Variants in AK4 observed in about 807,000 individuals in gnomAD.
AK4 encodes the protein adenylate kinase 4, mitochondrial.
In AK4, 13 loss-of-function variants were observed where a neutral mutation model predicts 24.6. The ratio of observed to expected loss-of-function variants is 0.53; its 90% CI spans 0.34 to 0.84. AK4 has a LOEUF of 0.84. AK4 is among the 40% of genes least tolerant of loss of function. The pLI, the probability that AK4 is intolerant of heterozygous loss-of-function variation, is 0.01. For synonymous variants in AK4, 88 were observed against 107.0 expected (o/e 0.82, Z 1.10); for missense variants, 192 against 288.2 (o/e 0.67, Z 2.42).
chr1:65,218,953 A>G, intron 3 of AK4, 27 bp downstream of exon 3: 1 of 1,505,050 alleles, frequency 6.6e-7, no homozygotes, highest in Non-Finnish European at 8.9e-7. Context: ...TGCTTTCACA[A>G]CCTGACAAGA....
chr1:65,156,040 A>G (rs1189082594), intron 1 of AK4, among the ~76,000 whole-genome samples: 1 of 152,110 alleles, frequency 6.6e-6, no homozygotes, highest in East Asian at 1.9e-4. Flanking sequence ...AATTGCTTTA[A>G]CAATGTGTCA....
intron 2 of AK4, among the ~76,000 whole-genome samples, chr1:65,202,896 G>A (rs1245827281): frequency 1.4e-4 from 16 of 115,374 alleles, no homozygotes; most frequent in African/African-American, 5.0e-4. Flanking sequence ...TTTTAAGATG[G>A]GGTTGTGCTC....
chr1:65,197,811 A>C (rs1557458273), intron 2 of AK4, among the ~76,000 whole-genome samples: 1 of 151,990 alleles, frequency 6.6e-6, no homozygotes, highest in African/African-American at 2.4e-5. Context: ...TCCTCTCCAC[A>C]TTTTTCCTTC....
At chr1:65,149,263 T>A (rs1384259230) in intron 1 of AK4, 1 of 152,412 alleles carries the variant, frequency 6.6e-6, no homozygotes, top group African/African-American at 2.4e-5. Flanking sequence ...AAATGGCTTC[T>A]TGAGCTGCCT....
Position 65,148,238 on chromosome 1 carries a change from G to C in AK4, c.-170G>C. ...CTACTCGGTCCCGGCGCTGGGCTGAGGGGAGGGGTTGTCTTAAAAGTCTCT... is the reference window on the plus strand; with the variant it reads ...CTACTCGGTCCCGGCGCTGGGCTGACGGGAGGGGTTGTCTTAAAAGTCTCT... On this transcript the variant is annotated 5_prime_UTR_variant, in exon 1 of 5. Coordinates refer to ENST00000327299, the MANE Select transcript of AK4 (RefSeq NM_013410.4). 8.0e-7 allele frequency: 1 copy of C among 1,245,102 alleles called. No homozygotes were observed. The allele number at this position is 1,245,102 out of a possible 1,614,324, so 77.1% of individuals were successfully genotyped here. A position where few individuals can be genotyped will look rare whatever the true frequency, so the allele number is the denominator to read the frequency against.
intron 2 of AK4, among the ~76,000 whole-genome samples, chr1:65,206,664 T>G (rs1199984368): frequency 6.6e-6 from 1 of 152,178 alleles, no homozygotes; most frequent in Admixed American, 6.5e-5. Context: ...TCCAGCTACT[T>G]GGGTGGGGGG....
At chr1:65,187,512 A>G (rs999214256) in intron 1 of AK4, among the ~76,000 whole-genome samples, 1 of 152,124 alleles carries the variant, frequency 6.6e-6, no homozygotes, top group Non-Finnish European at 1.5e-5. Context: ...GGGAGTGGTG[A>G]TGGTTGTACA....
chr1:65,167,299 C>T (rs1044416104), intron 1 of AK4, among the ~76,000 whole-genome samples: 2 of 152,038 alleles, frequency 1.3e-5, no homozygotes, highest in Non-Finnish European at 2.9e-5. Flanking sequence ...TCAGCTGCTT[C>T]TATATTTTTT....
chr1:65,218,986 A>G (rs1268929255), intron 3 of AK4, 60 bp downstream of exon 3: 1 of 1,342,004 alleles, frequency 7.5e-7, no homozygotes, highest in East Asian at 2.5e-5. Flanking sequence ...ATTTCCATTG[A>G]AAAGTGGAGA....
At chr1:65,215,007 T>A (rs1056891293) in intron 2 of AK4, among the ~76,000 whole-genome samples, 1 of 152,184 alleles carries the variant, frequency 6.6e-6, no homozygotes, top group Admixed American at 6.5e-5. Flanking sequence ...ACTTGCACTG[T>A]TGCTGTCACT....
chr1:65,197,255 A>G (rs1651501438), intron 2 of AK4, among the ~76,000 whole-genome samples: 1 of 152,176 alleles, frequency 6.6e-6, no homozygotes, highest in South Asian at 2.1e-4. Flanking sequence ...GTGCCTTGAA[A>G]TAGTAATCTA....
intron 2 of AK4, among the ~76,000 whole-genome samples, chr1:65,212,357 C>T (rs569287378): frequency 8.6e-5 from 13 of 151,044 alleles, no homozygotes; most frequent in Admixed American, 2.0e-4. Context: ...AATTCAGTGG[C>T]GCGATCTCAG....
chr1:65,170,224 C>T (rs1030910388), intron 1 of AK4, among the ~76,000 whole-genome samples: 13 of 152,090 alleles, frequency 8.5e-5, no homozygotes, highest in Admixed American at 5.9e-4. Context: ...GAAAATTACC[C>T]AGGTGCGGTG....
intron 1 of AK4, among the ~76,000 whole-genome samples, chr1:65,174,071 C>T (rs753080113): frequency 6.6e-6 from 1 of 152,168 alleles, no homozygotes; most frequent in Non-Finnish European, 1.5e-5. Context: ...CTTTTCCCTT[C>T]TGGAGAGTCT....
rs1303990367 is a variant in AK4, at chr1:65,231,765, T to C, written c.*5588T>C. The C allele has an allele frequency of 6.6e-6, 1 of 152,238 alleles. No individual in the cohort carries two copies. The highest frequency in any genetic ancestry group is 1.5e-5 in the Non-Finnish European group (1 of 68,046). 9.4% of individuals were successfully genotyped at this position (152,238 alleles called of 1,614,324 possible). The stretch of plus-strand genomic sequence containing the variant: ...AGAATTTGTACTACTGATTTTTATA[T>C]ATTCCTGTTTTTGAGATGAACAGAT... On this transcript the variant is annotated 3_prime_UTR_variant, in exon 5 of 5. Transcript: ENST00000327299.
At chr1:65,226,026 C>G in intron 4 of AK4, 37 bp from the exon 5 acceptor site, 1 of 1,604,728 alleles carries the variant, frequency 6.2e-7, no homozygotes, top group Non-Finnish European at 8.5e-7. Context: ...GGAAAAGAAA[C>G]CTAAAAAGCC....
intron 2 of AK4, among the ~76,000 whole-genome samples, chr1:65,200,552 C>G (rs547028865): frequency 6.6e-6 from 1 of 152,232 alleles, no homozygotes; most frequent in African/African-American, 2.4e-5. Flanking sequence ...TTCTTACACA[C>G]TTTATCCAAA....
chr1:65,218,725 A>G (rs369884866), intron 2 of AK4, 29 bp from the exon 3 acceptor site: 1 of 1,549,800 alleles, frequency 6.5e-7, no homozygotes, highest in African/African-American at 1.4e-5. Flanking sequence ...AATAGCTTGC[A>G]TTTCACTTGT....
At chr1:65,156,269 G>C (rs937889537) in intron 1 of AK4, among the ~76,000 whole-genome samples, 2 of 151,866 alleles carry the variant, frequency 1.3e-5, no homozygotes, top group Admixed American at 1.3e-4. Flanking sequence ...TCTCCACAGG[G>C]GTATCTGCTT....
Sources: gnomAD v4.1 joint callset for allele counts (sites outside exome capture counted in the v4.1 genomes callset) on GRCh38, gnomAD v4.1.1 for gene constraint, MANE v1.5 for transcripts, NCBI Gene and HGNC (gene_info 2026-07-23, HGNC 2026-07-21) for gene names.